MGRN1: variants seen among roughly 807,000 people sequenced by gnomAD.
MGRN1 encodes the protein E3 ubiquitin-protein ligase MGRN1.
MGRN1 carries 29 observed loss-of-function variants against 69.2 expected under a neutral mutation model. The observed-to-expected ratio is 0.42, with a 90% CI of 0.31 to 0.57. The LOEUF is 0.57. Among genes scored for constraint, MGRN1 ranks in the 20% least tolerant of loss-of-function variants. MGRN1 has a pLI of 0.15. For synonymous variants in MGRN1, 470 were observed against 344.2 expected, an observed-to-expected ratio of 1.37 and a Z score of -4.04; for missense variants, 998 against 796.2, an observed-to-expected ratio of 1.25 and a Z score of -3.05.
intron 16 of MGRN1, 144 bp from the exon 17 acceptor site, chr16:4,688,652 C>T (rs1470145025): frequency 2.2e-5 from 31 of 1,437,562 alleles, no homozygotes; most frequent in Non-Finnish European, 2.8e-5. Context: ...GTGCTCACAT[C>T]TGAGTGAATG....
intron 1 of MGRN1, among the ~76,000 whole-genome samples, chr16:4,629,392 T>C (rs1897874649): frequency 6.6e-6 from 1 of 152,206 alleles, no homozygotes; most frequent in Non-Finnish European, 1.5e-5. Flanking sequence ...TTTTGAATTT[T>C]GACGAAGTCT....
chr16:4,686,294 G>A (rs201936360), intron 16 of MGRN1: 8 of 1,544,880 alleles, frequency 5.2e-6, no homozygotes, highest in African/African-American at 2.7e-5. Context: ...TGGTATAGAC[G>A]AGTAAGCCGG....
chr16:4,688,842 C>A lies in MGRN1; in HGVS notation c.1665C>A (p.Ser555Arg), dbSNP rs1430144638. The change falls in exon 17 of 17, where the codon AGC becomes AGA. Residue 555 changes from serine (S) to arginine (R), a missense_variant. Coordinates refer to ENST00000262370, the MANE Select transcript of MGRN1 (RefSeq NM_015246.4). Reference protein sequence around the residue: ...METAHGLATTSPTWPPLGGPS... With the variant: ...METAHGLATTRPTWPPLGGPS... ...CGGCCCACGGCCTCGCCACCACCAG[C>A]CCCACCTGGCCTCCACTTGGTGGCC... is the stretch of plus-strand genomic sequence containing the variant. The A allele has an allele frequency of 6.4e-7, 1 of 1,554,694 alleles. No homozygotes were observed. Among genetic ancestry groups the A allele is most frequent in the Admixed American group, 1.9e-5 (1 of 52,296 alleles).
chr16:4,629,410 T>G (rs1227661229), intron 1 of MGRN1, among the ~76,000 whole-genome samples: 2 of 152,178 alleles, frequency 1.3e-5, no homozygotes, highest in African/African-American at 4.8e-5. Flanking sequence ...TCTCATTTAC[T>G]GCTTTTTAAG....
At chr16:4,682,563 C>A (rs1418942539) in intron 13 of MGRN1, among the ~76,000 whole-genome samples, 1 of 151,922 alleles carries the variant, frequency 6.6e-6, no homozygotes, top group Non-Finnish European at 1.5e-5. Context: ...TTCTCTTCTC[C>A]TTCTAGAAAG....
intron 1 of MGRN1, among the ~76,000 whole-genome samples, chr16:4,641,761 C>T (rs960334489): frequency 4.6e-5 from 7 of 152,178 alleles, no homozygotes; most frequent in African/African-American, 4.8e-5. Context: ...TCAGGTGATT[C>T]GCCTGCCTCG....
In MGRN1 at chr16:4,689,070, TC is replaced by T; in HGVS notation, c.*165del. ...CTTGATCAAAGAGCACAGTGAACTGTCCCTTCTGAGTCTCCCTTTTCTACAG... is the reference window on the plus strand; with the variant it reads ...CTTGATCAAAGAGCACAGTGAACTGTCCTTCTGAGTCTCCCTTTTCTACAG... On this transcript the variant is annotated 3_prime_UTR_variant, in exon 17 of 17. Coordinates refer to ENST00000262370, the MANE Select transcript of MGRN1 (RefSeq NM_015246.4). 1.1e-6 allele frequency: 1 copy of T among 946,774 alleles called. No individual in the cohort carries two copies. The highest frequency in any genetic ancestry group is 1.5e-6 in the Non-Finnish European group (1 of 666,632). 58.6% of individuals were successfully genotyped at this position (946,774 alleles called of 1,614,324 possible).
intron 13 of MGRN1, among the ~76,000 whole-genome samples, chr16:4,682,257 CA>C (rs1328066653): frequency 6.6e-6 from 1 of 152,234 alleles, no homozygotes. Flanking sequence ...GGTCCCTCTC[CA>C]GGCGATGAGT....
At position 4,681,626 on chromosome 16, in the gene MGRN1, C is replaced by G; in HGVS notation, c.1208C>G (p.Pro403Arg). 6.2e-7 allele frequency: 1 copy of G among 1,613,518 alleles called. No individual in the cohort carries two copies. Among genetic ancestry groups the G allele is most frequent in the Non-Finnish European group, 8.5e-7 (1 of 1,180,016 alleles). ...CTCAACGGCCTCCGGGCTGTCTCCC[C>G]GGCCATCCCCTCGGCCCCTCTTTAT... The part of the protein sequence containing the change: ...EALNGLRAVS[P>R]AIPSAPLYEE... The change falls in exon 13 of 17, where the codon CCG becomes CGG. Residue 403 changes from proline (P) to arginine (R), a missense_variant. Coordinates refer to ENST00000262370, the MANE Select transcript of MGRN1 (RefSeq NM_015246.4).
intron 11 of MGRN1, among the ~76,000 whole-genome samples, chr16:4,677,985 C>T (rs2079090762): frequency 6.6e-6 from 1 of 152,062 alleles, no homozygotes; most frequent in Non-Finnish European, 1.5e-5. Context: ...GACGCTGTGA[C>T]CACGGGCGTG....
intron 1 of MGRN1, among the ~76,000 whole-genome samples, chr16:4,644,305 G>GTTTTTT (rs79613493): frequency 9.3e-6 from 1 of 107,590 alleles, no homozygotes; most frequent in Non-Finnish European, 1.9e-5. Flanking sequence ...TCAATTACCA[G>GTTTTTT]TTTTTTTTTT....
chr16:4,650,642 G>C (rs1278160168), intron 2 of MGRN1, 159 bp downstream of exon 2: 1 of 574,270 alleles, frequency 1.7e-6, no homozygotes, highest in African/African-American at 1.9e-5. Context: ...GTGGGCACGT[G>C]CCCTGGAATG....
intron 1 of MGRN1, among the ~76,000 whole-genome samples, chr16:4,642,835 A>G (rs1034587417): frequency 3.7e-4 from 55 of 150,122 alleles, no homozygotes; most frequent in Non-Finnish European, 5.9e-4. Context: ...TGCCTAGGCT[A>G]TAATGCAGTG....
At chr16:4,629,690 G>T (rs1278106266) in intron 1 of MGRN1, among the ~76,000 whole-genome samples, 1 of 150,160 alleles carries the variant, frequency 6.7e-6, no homozygotes, top group Non-Finnish European at 1.5e-5. Flanking sequence ...AGTGAGCCTA[G>T]ATCGCGCCAC....
chr16:4,689,123 TGAA>T lies in MGRN1; in HGVS notation c.*217_*219del, dbSNP rs2079402531. On this transcript the variant is annotated 3_prime_UTR_variant, in exon 17 of 17. Coordinates refer to ENST00000262370, the MANE Select transcript of MGRN1 (RefSeq NM_015246.4). ...TGATATATTTGTAACTGGTACAAGATGAAGGACAGCAGCTTTCCATCCCTAGTT... is the reference window on the plus strand; with the variant it reads ...TGATATATTTGTAACTGGTACAAGATGGACAGCAGCTTTCCATCCCTAGTT... The T allele has an allele frequency of 6.6e-6, 4 of 605,690 alleles. No individual in the cohort carries two copies. Among genetic ancestry groups the T allele is most frequent in the Non-Finnish European group, 1.0e-5 (4 of 382,710 alleles). 37.5% of individuals were successfully genotyped at this position (605,690 alleles called of 1,614,324 possible). A position where few individuals can be genotyped will look rare whatever the true frequency, so the allele number is the denominator to read the frequency against.
chr16:4,678,198 A>G (rs531232917), intron 11 of MGRN1, among the ~76,000 whole-genome samples: 1 of 152,296 alleles, frequency 6.6e-6, no homozygotes, highest in African/African-American at 2.4e-5. Flanking sequence ...CTGCTGTGCA[A>G]GGGGCACTGG....
At chr16:4,679,057 C>A (rs2079117475) in intron 11 of MGRN1, among the ~76,000 whole-genome samples, 1 of 152,230 alleles carries the variant, frequency 6.6e-6, no homozygotes, top group Non-Finnish European at 1.5e-5. Flanking sequence ...TCAACCCAGG[C>A]CCTCTAGGCC....
intron 4 of MGRN1, among the ~76,000 whole-genome samples, chr16:4,656,363 G>GC (rs1233832140): frequency 6.6e-6 from 1 of 152,218 alleles, no homozygotes; most frequent in Non-Finnish European, 1.5e-5. Context: ...ACAGGACACA[G>GC]CCCCTGATGT....
At chr16:4,687,017 G>C in intron 16 of MGRN1, 1 of 985,592 alleles carries the variant, frequency 1.0e-6, no homozygotes, top group Non-Finnish European at 1.2e-6. Context: ...CTGCTCCCCC[G>C]CTCCCTCCTT....
Sources: allele counts gnomAD v4.1 joint callset (sites outside exome capture counted in the v4.1 genomes callset), GRCh38; gene constraint gnomAD v4.1.1; transcripts MANE v1.5; gene names NCBI Gene and HGNC (gene_info 2026-07-23, HGNC 2026-07-21).